Variants in MEGF11 observed in about 807,000 individuals in gnomAD.
MEGF11 encodes multiple EGF like domains 11.
A neutral mutation model predicts 146.6 loss-of-function variants in MEGF11; 126 were observed. That is an observed-to-expected ratio of 0.86 (90% CI 0.74 to 1.00). MEGF11 has a LOEUF of 1.00. Among genes scored for constraint, MEGF11 ranks in the 50% least tolerant of loss-of-function variants. The probability of loss-of-function intolerance (pLI) is 0.00; values close to 1 mark genes in which losing one functional copy is unlikely to be tolerated. For missense variants in MEGF11, 1,509 were observed against 1,521.2 expected, an observed-to-expected ratio of 0.99 and a Z score of 0.13; for synonymous variants, 532 against 583.4, an observed-to-expected ratio of 0.91 and a Z score of 1.27.
At chr15:66,194,139 G>T (rs968161837) in intron 1 of MEGF11, among the ~76,000 whole-genome samples, 1 of 152,130 alleles carries the variant, frequency 6.6e-6, no homozygotes, top group Non-Finnish European at 1.5e-5. Flanking sequence ...AGAAAATGTG[G>T]TATACATACC....
At chr15:66,214,995 G>A (rs993963907) in intron 1 of MEGF11, among the ~76,000 whole-genome samples, 3 of 152,154 alleles carry the variant, frequency 2.0e-5, no homozygotes, top group African/African-American at 4.8e-5. Flanking sequence ...TGAGGAGCAG[G>A]AGGGAGGCAG....
At chr15:65,952,217 T>C (rs932478809) in intron 10 of MEGF11, among the ~76,000 whole-genome samples, 1 of 151,944 alleles carries the variant, frequency 6.6e-6, no homozygotes, top group African/African-American at 2.4e-5. Flanking sequence ...GGGGAGGAAA[T>C]GAGTTATGTG....
chr15:66,041,654 C>T (rs1437932063), intron 5 of MEGF11, among the ~76,000 whole-genome samples: 3 of 152,202 alleles, frequency 2.0e-5, no homozygotes, highest in African/African-American at 7.2e-5. Context: ...TCTCCAATAG[C>T]AGAGTGGAAT....
At chr15:66,228,026 G>A (rs564386468) in intron 1 of MEGF11, among the ~76,000 whole-genome samples, 2 of 152,224 alleles carry the variant, frequency 1.3e-5, no homozygotes, top group African/African-American at 4.8e-5. Context: ...TGGGCCCTAA[G>A]TCACCTTGTG....
chr15:66,171,980 C>A (rs1440243162), intron 1 of MEGF11, among the ~76,000 whole-genome samples: 3 of 152,216 alleles, frequency 2.0e-5, no homozygotes, highest in Non-Finnish European at 4.4e-5. Flanking sequence ...GCCTGGCTCA[C>A]CTCACACCGC....
At chr15:66,078,771 C>G (rs1242352735) in intron 5 of MEGF11, among the ~76,000 whole-genome samples, 5 of 152,248 alleles carry the variant, frequency 3.3e-5, no homozygotes, top group Non-Finnish European at 7.3e-5. Context: ...GCTCCCGCCA[C>G]TCTATTCTGC....
rs1421584036 is a variant in MEGF11 at position 65,982,105 on chromosome 15, G to A, written c.641+137C>T. The A allele has an allele frequency of 3.3e-6, 4 of 1,196,958 alleles. No individual in the cohort carries two copies. The highest frequency in any genetic ancestry group is 4.5e-6 in the Non-Finnish European group (4 of 892,172). The allele number at this position is 1,196,958 out of a possible 1,614,324, so 74.1% of individuals were successfully genotyped here. ...GCCCACCCACAAGGAGCCCAGGGCT[G>A]GGCGTGCAGCTGCGGTGAGGGCAGC... On this transcript the variant is annotated intron_variant, in intron 6 of 25. Coordinates refer to ENST00000395614, the MANE Select transcript of MEGF11 (RefSeq NM_001385028.1). This position sits in a 1 kb window ranked among gnomAD's most constrained non-coding sequence, Gnocchi z 5.6.
At chr15:66,060,959 G>A (rs17819215) in intron 5 of MEGF11, among the ~76,000 whole-genome samples, 193 of 152,328 alleles carry the variant, frequency 1.3e-3, no homozygotes, top group Middle Eastern at 3.4e-3. Flanking sequence ...CATGGCGTTG[G>A]CTCCTAGCCC....
At chr15:66,227,602 C>A (rs1051581488) in intron 1 of MEGF11, among the ~76,000 whole-genome samples, 47 of 152,146 alleles carry the variant, frequency 3.1e-4, no homozygotes, top group African/African-American at 1.1e-3. Context: ...TCTCCTGGGG[C>A]AGGACCCCCA....
intron 1 of MEGF11, among the ~76,000 whole-genome samples, chr15:66,252,086 C>T (rs1027720627): frequency 2.2e-4 from 34 of 152,356 alleles, no homozygotes; most frequent in African/African-American, 6.5e-4. Context: ...ACAAAGAGAG[C>T]TGCTGGGCCG....
chr15:66,193,466 G>T (rs765139529), intron 1 of MEGF11, among the ~76,000 whole-genome samples: 5 of 152,148 alleles, frequency 3.3e-5, no homozygotes, highest in Non-Finnish European at 5.9e-5. Flanking sequence ...CAGTCCTCTA[G>T]GAGAGCAATA....
chr15:65,899,137 T>G (rs1283448745), intron 24 of MEGF11, among the ~76,000 whole-genome samples: 1 of 152,156 alleles, frequency 6.6e-6, no homozygotes, highest in African/African-American at 2.4e-5. Context: ...GAAACTTATG[T>G]TTTTGGAGGA....
chr15:66,183,372 C>T (rs1017340679), intron 1 of MEGF11, among the ~76,000 whole-genome samples: 7 of 151,928 alleles, frequency 4.6e-5, no homozygotes, highest in East Asian at 1.9e-4. Context: ...TGGTGGCTCA[C>T]GGCTGTAGTC....
At chr15:66,221,516 C>A (rs1017399425) in intron 1 of MEGF11, among the ~76,000 whole-genome samples, 1 of 151,882 alleles carries the variant, frequency 6.6e-6, no homozygotes, top group Non-Finnish European at 1.5e-5. Flanking sequence ...AGACCACCGG[C>A]TCCTAAGGAC....
intron 1 of MEGF11, among the ~76,000 whole-genome samples, chr15:66,157,197 C>T (rs2141061111): frequency 6.6e-6 from 1 of 152,324 alleles, no homozygotes; most frequent in Non-Finnish European, 1.5e-5. Flanking sequence ...GACAACAGTA[C>T]CTAGGCCATG....
intron 4 of MEGF11, among the ~76,000 whole-genome samples, chr15:66,094,853 GA>G: frequency 6.6e-6 from 1 of 152,248 alleles, no homozygotes; most frequent in African/African-American, 2.4e-5. Context: ...ATCTGCTTAG[GA>G]AATGATCTGT....
intron 7 of MEGF11, 117 bp from the exon 8 acceptor site, chr15:65,970,806 C>G: frequency 2.5e-6 from 3 of 1,196,332 alleles, no homozygotes; most frequent in Non-Finnish European, 3.5e-6. Context: ...GAAGTTCAGA[C>G]AGCTGGACAC....
chr15:65,922,724 C>G, intron 14 of MEGF11, 99 bp downstream of exon 14: 2 of 1,434,998 alleles, frequency 1.4e-6, no homozygotes, highest in Non-Finnish European at 9.4e-7. Flanking sequence ...GGGGCTGATT[C>G]AAGAGCCCAG....
chr15:65,901,891 T>C (rs999773563), intron 24 of MEGF11: 1 of 152,178 alleles, frequency 6.6e-6, no homozygotes, highest in Admixed American at 6.5e-5. Context: ...TCAGAAAATT[T>C]GCTAATATAA....
Sources: gnomAD v4.1 joint callset for allele counts (sites outside exome capture counted in the v4.1 genomes callset) on GRCh38, gnomAD v4.1.1 for gene constraint, Gnocchi (gnomAD v3.1) non-coding constraint, MANE v1.5 for transcripts, NCBI Gene and HGNC (gene_info 2026-07-23, HGNC 2026-07-21) for gene names.